The following POLQ variants were observed in gnomAD, a reference collection of about 807,000 sequenced individuals.
POLQ encodes DNA polymerase theta.
POLQ carries 233 observed loss-of-function variants against 259.2 expected under a neutral mutation model. That is an observed-to-expected ratio of 0.90 (90% CI 0.81 to 1.00). The LOEUF (loss-of-function observed/expected upper bound fraction) is 1.00. Ranked by LOEUF, POLQ falls within the 50% of genes least tolerant of loss-of-function variation. The pLI, the probability that POLQ is intolerant of heterozygous loss-of-function variation, is 0.00. For missense variants in POLQ, 2,871 were observed against 3,051.6 expected (o/e 0.94, Z 1.39); for synonymous variants, 1,025 against 1,048.8 (o/e 0.98, Z 0.44).
Position 121,545,698 on chromosome 3 carries a change from C to A in POLQ, c.163+17G>T. ...AGCTGCCCCCGTTGCCCGCGGCCTC[C>A]CGGGTTCCTGGAGCACCTGCAGCTG... On this transcript the variant is annotated intron_variant, in intron 1 of 29. Transcript: ENST00000264233. 6.5e-7 allele frequency: 1 copy of A among 1,539,446 alleles called. No homozygotes were observed.
intron 28 of POLQ, among the ~76,000 whole-genome samples, chr3:121,433,725 T>C (rs1050420392): frequency 1.3e-5 from 2 of 152,196 alleles, no homozygotes; most frequent in African/African-American, 4.8e-5. Context: ...GATTATGCCC[T>C]TCTGACCAAA....
chr3:121,441,705 C>T (rs551688268), intron 26 of POLQ, among the ~76,000 whole-genome samples: 20 of 152,234 alleles, frequency 1.3e-4, no homozygotes, highest in African/African-American at 4.3e-4. Context: ...TATTCACATA[C>T]GAGCCTTCCT....
rs369987105 is a variant in POLQ at position 121,489,812 on chromosome 3, C to T, written c.3119G>A (p.Arg1040Gln). Residue 1040 changes from arginine (R) to glutamine (Q), a missense_variant, in exon 16 of 30, where the codon CGA becomes CAA. Physicochemically the swap from Arg to Gln is conservative, Grantham distance 43. Coordinates refer to ENST00000264233, the MANE Select transcript of POLQ (RefSeq NM_199420.4). ...FNSEKMSRSF[R>Q]SWKRRKHLKR... ...TAGATGCTTTCTACGTTTCCAAGAT[C>T]GAAAACTTCTGCTCATCTTTTCTGA... is the stretch of plus-strand genomic sequence containing the variant. 1.7e-5 allele frequency: 28 copies of T among 1,612,958 alleles called. 1 individual carries two copies. The highest frequency in any genetic ancestry group is 1.3e-4 in the South Asian group (12 of 90,708).
At chr3:121,495,709 C>T (rs1443898448) in intron 14 of POLQ, among the ~76,000 whole-genome samples, 2 of 151,278 alleles carry the variant, frequency 1.3e-5, no homozygotes, top group Non-Finnish European at 2.9e-5. Flanking sequence ...ATTAGCCGGG[C>T]GTGGTGCCGG....
intron 25 of POLQ, among the ~76,000 whole-genome samples, chr3:121,450,356 CT>C (rs1281218142): frequency 6.6e-6 from 1 of 151,374 alleles, no homozygotes; most frequent in Admixed American, 6.6e-5. Flanking sequence ...TATTTTTTCG[CT>C]TTTTTATTAT....
At chr3:121,482,931 G>A (rs528087732) in intron 18 of POLQ, among the ~76,000 whole-genome samples, 1 of 152,278 alleles carries the variant, frequency 6.6e-6, no homozygotes, top group African/African-American at 2.4e-5. Context: ...AAAGTTCTCA[G>A]GAGCCAGTAA....
At chr3:121,482,039 C>T (rs927468500) in intron 18 of POLQ, among the ~76,000 whole-genome samples, 1 of 152,160 alleles carries the variant, frequency 6.6e-6, no homozygotes, top group African/African-American at 2.4e-5. Flanking sequence ...TGTAACTATT[C>T]CATTCCTACA....
At chr3:121,505,324 A>AAT (rs1162564830) in intron 12 of POLQ, among the ~76,000 whole-genome samples, 1 of 152,214 alleles carries the variant, frequency 6.6e-6, no homozygotes, top group Non-Finnish European at 1.5e-5. Context: ...CTTTATAAAT[A>AAT]TCCCAGTCTC....
intron 11 of POLQ, 139 bp downstream of exon 11, chr3:121,509,899 TA>T: frequency 2.4e-6 from 2 of 833,110 alleles, no homozygotes; most frequent in Non-Finnish European, 3.8e-6. Context: ...ACTGATTTAC[TA>T]AAAATGAGTT....
intron 25 of POLQ, among the ~76,000 whole-genome samples, chr3:121,451,822 T>C (rs190670289): frequency 1.3e-5 from 2 of 152,336 alleles, no homozygotes; most frequent in African/African-American, 4.8e-5. Flanking sequence ...AGCTGTCCGA[T>C]GGGACATTTA....
Position 121,498,659 on chromosome 3 carries a change from C to G in POLQ, c.1971G>C (p.Met657Ile), listed in dbSNP as rs1279293219. 10 of 1,609,588 alleles carry G rather than the reference C, an allele frequency of 6.2e-6. No individual in the cohort carries two copies. Among genetic ancestry groups the G allele is most frequent in the Non-Finnish European group, 8.5e-6 (10 of 1,176,232 alleles). ...DLHILYLVTP[M>I]FEDWTTIDWY... is the part of the protein sequence containing the mutation. ...AATCAATAGTAGTCCAATCCTCAAA[C>G]ATAGGTGTAACCTAAAAGGAAGAAG... The change falls in exon 13 of 30, where the codon ATG becomes ATC. Residue 657 changes from methionine (M) to isoleucine (I), a missense_variant. By Grantham distance (10) the Met-to-Ile change is conservative (BLOSUM62 1). Transcript: ENST00000264233.
intron 6 of POLQ, among the ~76,000 whole-genome samples, chr3:121,530,382 G>A (rs191624154): frequency 6.6e-6 from 1 of 152,252 alleles, no homozygotes; most frequent in Admixed American, 6.5e-5. Context: ...GCTAAGCTAT[G>A]ATATTCAGTA....
At chr3:121,495,848 CAAAAAAAAAA>C (rs34476932) in intron 14 of POLQ, among the ~76,000 whole-genome samples, 5 of 28,122 alleles carry the variant, frequency 1.8e-4, no homozygotes, top group East Asian at 1.1e-3. Flanking sequence ...GACTCTGTCT[CAAAAAAAAAA>C]AAAAAAAAAA....
chr3:121,509,529 T>A, intron 12 of POLQ, 32 bp downstream of exon 12: 1 of 1,573,446 alleles, frequency 6.4e-7, no homozygotes. Context: ...TCTCCCTATT[T>A]TCACAAACAT....
At position 121,489,318 on chromosome 3, in the gene POLQ, T is replaced by A; in HGVS notation, c.3613A>T (p.Ser1205Cys). The A allele has an allele frequency of 8.1e-6, 13 of 1,613,814 alleles. No homozygotes were observed. Among genetic ancestry groups the A allele is most frequent in the Non-Finnish European group, 1.1e-5 (13 of 1,179,822 alleles). The change falls in exon 16 of 30, where the codon AGC (serine) becomes TGC (cysteine). Residue 1205 changes from serine to cysteine, a missense_variant. Ser to Cys is a moderately radical substitution (Grantham distance 112, BLOSUM62 -1). Transcript: ENST00000264233. The stretch of plus-strand genomic sequence containing the variant: ...ATATTTTTCTGTTTGGTAATAGTGC[T>A]TGTCTGTTCATGAGATTGCTTTCGC... ...YLRKQSHEQT[S>C]TITKQKNIIE...
rs1160386787 is a variant in POLQ, at chr3:121,529,794, T to G, written c.961-2A>C. 6.2e-7 allele frequency: 1 copy of G among 1,601,260 alleles called. No homozygotes were observed. Among genetic ancestry groups the G allele is most frequent in the Non-Finnish European group, 8.5e-7 (1 of 1,175,102 alleles). On this transcript the variant is annotated splice_acceptor_variant, in intron 6 of 29. Transcript: ENST00000264233. LOFTEE classifies it high-confidence loss of function. Reference sequence around the variant, plus strand: ...ACTAACAACATGGTCCTCATCTCCCTAAAACAGAAAGATAAATAACCACTT... The same window carrying G: ...ACTAACAACATGGTCCTCATCTCCCGAAAACAGAAAGATAAATAACCACTT...
intron 7 of POLQ, among the ~76,000 whole-genome samples, chr3:121,527,007 G>A (rs1394374917): frequency 2.0e-5 from 3 of 151,886 alleles, no homozygotes; most frequent in African/African-American, 4.8e-5. Context: ...AGGCTCAAAC[G>A]ATCCTCCCAC....
intron 12 of POLQ, among the ~76,000 whole-genome samples, chr3:121,501,501 T>C (rs1382039174): frequency 1.4e-5 from 2 of 147,578 alleles, no homozygotes; most frequent in African/African-American, 2.5e-5. Flanking sequence ...CTACTAAAAA[T>C]ACAAAAAATT....
chr3:121,495,500 A>T (rs1377115584), intron 14 of POLQ, among the ~76,000 whole-genome samples: 1 of 152,140 alleles, frequency 6.6e-6, no homozygotes, highest in Non-Finnish European at 1.5e-5. Context: ...CTACAAGAAC[A>T]TAAACCCCTA....
Sources: allele counts gnomAD v4.1 joint callset (sites outside exome capture counted in the v4.1 genomes callset), GRCh38; gene constraint gnomAD v4.1.1; transcripts MANE v1.5; gene names NCBI Gene and HGNC (gene_info 2026-07-23, HGNC 2026-07-21).